SLC6A3: variants seen among roughly 807,000 people sequenced by gnomAD.
SLC6A3 encodes the protein solute carrier family 6 member 3.
Under a neutral mutation model 70.4 loss-of-function variants are expected in SLC6A3, and 19 were observed. That is an observed-to-expected ratio of 0.27 (90% CI 0.19 to 0.40). The LOEUF (loss-of-function observed/expected upper bound fraction) is 0.40, where lower values mean the gene tolerates loss of function less well. Ranked by LOEUF, SLC6A3 falls within the 10% of genes least tolerant of loss-of-function variation. The probability of loss-of-function intolerance (pLI) is 1.00; values close to 1 mark genes in which losing one functional copy is unlikely to be tolerated. For synonymous variants in SLC6A3, 368 were observed against 356.6 expected, an observed-to-expected ratio of 1.03 and a Z score of -0.36; for missense variants, 613 against 838.5, an observed-to-expected ratio of 0.73 and a Z score of 3.32.
chr5:1,399,516 C>A (rs980243411), intron 14 of SLC6A3, among the ~76,000 whole-genome samples: 1 of 152,190 alleles, frequency 6.6e-6, no homozygotes, highest in Admixed American at 6.5e-5. Context: ...AAGAATCTCA[C>A]ATGAAGTCAA....
At chr5:1,395,799 T>TC (rs1755703875) in intron 14 of SLC6A3, among the ~76,000 whole-genome samples, 1 of 152,064 alleles carries the variant, frequency 6.6e-6, no homozygotes, top group South Asian at 2.1e-4. Context: ...TGAGTCCTGT[T>TC]CCCCCCAGGG....
Position 1,402,810 on chromosome 5 carries a change from C to T in SLC6A3, c.1767+112G>A. The T allele has an allele frequency of 1.8e-6, 2 of 1,117,462 alleles. No homozygotes were observed. Among genetic ancestry groups the T allele is most frequent in the Non-Finnish European group, 2.7e-6 (2 of 752,728 alleles). The allele number at this position is 1,117,462 out of a possible 1,614,324, so 69.2% of individuals were successfully genotyped here. ...GTGTTGTGGTGGCCACCTCCAGTCT[C>T]CTCCTCTTGGTCACAGATGACCCAG... On this transcript the variant is annotated intron_variant, in intron 13 of 14. Transcript: ENST00000270349. This position sits in a 1 kb window ranked among gnomAD's most constrained non-coding sequence, Gnocchi z 8.5.
chr5:1,445,006 T>G (rs1733768150), intron 1 of SLC6A3, among the ~76,000 whole-genome samples: 2 of 152,020 alleles, frequency 1.3e-5, no homozygotes, highest in Non-Finnish European at 2.9e-5. Context: ...CTAGTAGGGT[T>G]AAGTTCCACG....
chr5:1,418,604 A>G (rs1397504962), intron 6 of SLC6A3, among the ~76,000 whole-genome samples: 1 of 150,244 alleles, frequency 6.7e-6, no homozygotes, highest in Non-Finnish European at 1.5e-5. Context: ...CCCATCCATC[A>G]TCCATCCATC....
At chr5:1,400,870 T>A (rs1405857609) in intron 14 of SLC6A3, 45 bp downstream of exon 14, 1 of 1,440,222 alleles carries the variant, frequency 6.9e-7, no homozygotes, top group African/African-American at 1.4e-5. Context: ...CTTGGGATCA[T>A]TCTGAATTCC....
intron 3 of SLC6A3, among the ~76,000 whole-genome samples, chr5:1,435,776 ATGGCTCCCTTGAACGGTGGTGGC>A (rs1756816205): frequency 8.0e-6 from 1 of 124,304 alleles, no homozygotes. Flanking sequence ...GGGTGAGGAA[ATGGCTCCCTTGAACGGTGGTGGC>A]CAGTCCCCTC....
At position 1,408,203 on chromosome 5, in the gene SLC6A3, ATTT is replaced by A. The variant is rs760385170; in HGVS notation, c.1498+820_1498+822del. 3.8e-5 allele frequency among the ~76,000 whole-genome samples: 5 copies of A among 131,520 alleles called. No individual in the cohort carries two copies. Among genetic ancestry groups the A allele is most frequent in the Admixed American group, 2.3e-4 (3 of 12,928 alleles). The allele number at this position is 131,520 out of a possible 152,430, so 86.3% of individuals were successfully genotyped here. A position where few individuals can be genotyped will look rare whatever the true frequency, so the allele number is the denominator to read the frequency against. On this transcript the variant is annotated intron_variant, in intron 11 of 14. Transcript: ENST00000270349. The surrounding 1 kb of genome is among the most constrained non-coding windows in gnomAD (Gnocchi z 6.4). ...AGCCTTGTGCCACCACACCCGGCTA[ATTT>A]TTTTTTTTTTTTTTTTTAGTAAAGA...
intron 3 of SLC6A3, among the ~76,000 whole-genome samples, chr5:1,434,051 A>G (rs1756773312): frequency 6.6e-6 from 1 of 152,242 alleles, no homozygotes; most frequent in South Asian, 2.1e-4. Context: ...ATAGCCATCT[A>G]TGGCCATCTG....
At chr5:1,427,314 C>T (rs930652737) in intron 4 of SLC6A3, among the ~76,000 whole-genome samples, 2 of 152,194 alleles carry the variant, frequency 1.3e-5, no homozygotes, top group East Asian at 1.9e-4. Context: ...CTCTGTGAAA[C>T]GGTATCATGT....
rs1166169159 is a variant in SLC6A3, at chr5:1,402,091, T to C, written c.1767+831A>G. Among the ~76,000 whole-genome samples the C allele has an allele frequency of 6.6e-6, 1 of 152,066 alleles. No homozygotes were observed. The highest frequency in any genetic ancestry group is 1.5e-5 in the Non-Finnish European group (1 of 68,000). On this transcript the variant is annotated intron_variant, in intron 13 of 14. Coordinates refer to ENST00000270349, the MANE Select transcript of SLC6A3 (RefSeq NM_001044.5). The surrounding 1 kb of genome is among the most constrained non-coding windows in gnomAD (Gnocchi z 8.5). ...CAGGGGACACCGTGTGGCCCTAAGG[T>C]GGAATCCTTGAACACAGCTGGTGCT...
intron 6 of SLC6A3, among the ~76,000 whole-genome samples, chr5:1,417,531 G>T (rs550283921): frequency 4.7e-4 from 72 of 152,374 alleles, no homozygotes; most frequent in African/African-American, 1.6e-3. Context: ...TGCTGTGCCT[G>T]CCCAACTCGG....
intron 11 of SLC6A3, among the ~76,000 whole-genome samples, chr5:1,407,652 G>T (rs1172199083): frequency 1.3e-5 from 2 of 152,236 alleles, no homozygotes; most frequent in African/African-American, 4.8e-5. Context: ...ATCTCCCGTG[G>T]TTCCGGAGGC....
chr5:1,411,468 CTGG>C lies in SLC6A3; in HGVS notation c.1157-116_1157-114del. 1 of 798,046 alleles carries C rather than the reference CTGG, an allele frequency of 1.3e-6. No individual in the cohort carries two copies. The highest frequency in any genetic ancestry group is 2.1e-6 in the Non-Finnish European group (1 of 467,396). 49.4% of individuals were successfully genotyped at this position (798,046 alleles called of 1,614,324 possible). A position where few individuals can be genotyped will look rare whatever the true frequency, so the allele number is the denominator to read the frequency against. On this transcript the variant is annotated intron_variant, in intron 8 of 14. Coordinates refer to ENST00000270349, the MANE Select transcript of SLC6A3 (RefSeq NM_001044.5). This position sits in a 1 kb window ranked among gnomAD's most constrained non-coding sequence, Gnocchi z 6.5. ...TGCCACAGGCCTGTAGAGACTAGGG[CTGG>C]TGCGGCTCTGCTGAAAAGCCCCCTT...
At position 1,443,199 on chromosome 5, in the gene SLC6A3, G is replaced by A; in HGVS notation, c.-2C>T. On this transcript the variant is annotated 5_prime_UTR_variant, in exon 2 of 15. Transcript: ENST00000270349. ...CACGGAGCATTTGCTCTTACTCATG[G>A]GCACACTGGGAGTTGAGGAATTCTG... The A allele has an allele frequency of 6.2e-7, 1 of 1,614,152 alleles. No individual in the cohort carries two copies. Among genetic ancestry groups the A allele is most frequent in the Non-Finnish European group, 8.5e-7 (1 of 1,179,974 alleles).
At position 1,403,009 on chromosome 5, in the gene SLC6A3, C is replaced by T. The variant is rs1755886460; in HGVS notation, c.1680G>A (p.Leu560=). 1 of 1,614,110 alleles carries T rather than the reference C, an allele frequency of 6.2e-7. No homozygotes were observed. The highest frequency in any genetic ancestry group is 8.5e-7 in the Non-Finnish European group (1 of 1,180,022). ...AYIFPDWANA[L]GWVIATSSMA... ...TGGAGGATGTGGCGATGACCCAGCC[C>T]AGCGCGTTGGCCCAGTCGGGGAAGA... is the stretch of plus-strand genomic sequence containing the variant. The change falls in exon 13 of 15, where the codon CTG becomes CTA. Residue 560 remains leucine (L), a synonymous_variant. Coordinates refer to ENST00000270349, the MANE Select transcript of SLC6A3 (RefSeq NM_001044.5).
At chr5:1,444,357 CACAG>C (rs1733749859) in intron 1 of SLC6A3, among the ~76,000 whole-genome samples, 1 of 151,324 alleles carries the variant, frequency 6.6e-6, no homozygotes, top group Non-Finnish European at 1.5e-5. Flanking sequence ...CGCACGCACA[CACAG>C]ACACACAGAC....
chr5:1,429,991 C>T (rs1195336433), intron 4 of SLC6A3, among the ~76,000 whole-genome samples: 1 of 152,192 alleles, frequency 6.6e-6, no homozygotes, highest in African/African-American at 2.4e-5. Context: ...TTTATCATTT[C>T]CCGCTTGCCT....
At chr5:1,395,313 G>A (rs1755690110) in intron 14 of SLC6A3, among the ~76,000 whole-genome samples, 1 of 152,272 alleles carries the variant, frequency 6.6e-6, no homozygotes, top group South Asian at 2.1e-4. Context: ...TACACCACCA[G>A]CAAATGTCAT....
At position 1,403,768 on chromosome 5, in the gene SLC6A3, C is replaced by T. The variant is rs902581907; in HGVS notation, c.1600-679G>A. On this transcript the variant is annotated intron_variant, in intron 12 of 14. Transcript: ENST00000270349. ...TAAAGTCACAGACCTGTCTCAGAAC[C>T]ACCACCACAAAGGTAACAGAGGGTG... is the stretch of plus-strand genomic sequence containing the variant. Among the ~76,000 whole-genome samples the T allele has an allele frequency of 2.6e-5, 4 of 152,162 alleles. 1 individual carries two copies. Among genetic ancestry groups the T allele is most frequent in the African/African-American group, 9.7e-5 (4 of 41,434 alleles).
Sources: gnomAD v4.1 joint callset for allele counts (sites outside exome capture counted in the v4.1 genomes callset) on GRCh38, gnomAD v4.1.1 for gene constraint, Gnocchi (gnomAD v3.1) non-coding constraint, MANE v1.5 for transcripts, NCBI Gene and HGNC (gene_info 2026-07-23, HGNC 2026-07-21) for gene names.